Variants in TRIM24 observed in about 807,000 individuals in gnomAD.
TRIM24 encodes transcription intermediary factor 1-alpha.
In TRIM24, 29 loss-of-function variants were observed where a neutral mutation model predicts 123.9. The observed-to-expected ratio is 0.23, with a 90% CI of 0.17 to 0.32. The LOEUF (loss-of-function observed/expected upper bound fraction) is 0.32, where lower values mean the gene tolerates loss of function less well. Among genes scored for constraint, TRIM24 ranks in the 10% least tolerant of loss-of-function variants. TRIM24 has a pLI of 1.00. For missense variants in TRIM24, 932 were observed against 1,295.3 expected (o/e 0.72, Z 4.31); for synonymous variants, 456 against 461.1 (o/e 0.99, Z 0.14).
intron 7 of TRIM24, among the ~76,000 whole-genome samples, chr7:138,543,713 A>G (rs1797047282): frequency 6.6e-6 from 1 of 152,248 alleles, no homozygotes. Flanking sequence ...ATGAATATCC[A>G]TTATCCTACT....
At chr7:138,495,254 A>G (rs1795877676) in intron 1 of TRIM24, among the ~76,000 whole-genome samples, 1 of 152,216 alleles carries the variant, frequency 6.6e-6, no homozygotes, top group African/African-American at 2.4e-5. Flanking sequence ...TGTTGTACAT[A>G]TTCAAAAATA....
intron 1 of TRIM24, among the ~76,000 whole-genome samples, chr7:138,499,725 G>A (rs1450013471): frequency 2.0e-5 from 3 of 152,032 alleles, no homozygotes; most frequent in South Asian, 2.1e-4. Flanking sequence ...GGCAGGGCAG[G>A]GAACTGGCTT....
At chr7:138,569,347 G>GA (rs764470618) in intron 10 of TRIM24, among the ~76,000 whole-genome samples, 9 of 151,992 alleles carry the variant, frequency 5.9e-5, no homozygotes, top group South Asian at 2.1e-4. Flanking sequence ...AACAAGCCAG[G>GA]AAAAAATCTA....
intron 10 of TRIM24, 83 bp from the exon 11 acceptor site, chr7:138,570,747 T>C (rs1374050680): frequency 5.6e-6 from 8 of 1,441,052 alleles, no homozygotes; most frequent in Non-Finnish European, 7.6e-6. Context: ...ACTCTTCTAC[T>C]TCATTTTGTG....
chr7:138,537,797 G>A (rs1299610522), intron 6 of TRIM24, among the ~76,000 whole-genome samples: 1 of 152,198 alleles, frequency 6.6e-6, no homozygotes. Context: ...ATCTGGAACT[G>A]ACTAGGGCTA....
intron 1 of TRIM24, among the ~76,000 whole-genome samples, chr7:138,472,182 GAAA>G (rs1379655985): frequency 6.7e-6 from 1 of 150,240 alleles, no homozygotes; most frequent in African/African-American, 2.4e-5. Flanking sequence ...CTTAAGGGGA[GAAA>G]AAAAATAAAA....
chr7:138,567,668 T>C lies in TRIM24; in HGVS notation c.1704+14T>C, dbSNP rs756750841. The C allele has an allele frequency of 4.4e-5, 68 of 1,563,068 alleles. No individual in the cohort carries two copies. The highest frequency in any genetic ancestry group is 1.4e-5 in the Non-Finnish European group (16 of 1,156,308). On this transcript the variant is annotated intron_variant, in intron 10 of 18. Transcript: ENST00000343526. ...GCCATAAAACAGGTATATATCTACCTTCTTTTCTCAATTGCTTTTTCTGCT... is the reference window on the plus strand; with the variant it reads ...GCCATAAAACAGGTATATATCTACCCTCTTTTCTCAATTGCTTTTTCTGCT...
intron 1 of TRIM24, among the ~76,000 whole-genome samples, chr7:138,465,874 AGAATTG>A (rs1260286260): frequency 2.0e-4 from 30 of 152,256 alleles, no homozygotes; most frequent in African/African-American, 6.8e-4. Context: ...GAAATAACTT[AGAATTG>A]GAATTTCTTG....
chr7:138,493,981 A>G (rs553973767), intron 1 of TRIM24, among the ~76,000 whole-genome samples: 29 of 151,614 alleles, frequency 1.9e-4, no homozygotes, highest in Middle Eastern at 3.4e-3. Flanking sequence ...TGTTGTTGTT[A>G]TTATTATTAT....
At chr7:138,479,107 A>G (rs563395647) in intron 1 of TRIM24, among the ~76,000 whole-genome samples, 1 of 152,210 alleles carries the variant, frequency 6.6e-6, no homozygotes, top group South Asian at 2.1e-4. Flanking sequence ...GCTGCTTCCT[A>G]ATTGTCCTTC....
chr7:138,529,060 A>G (rs1251180376), intron 5 of TRIM24, 56 bp from the exon 6 acceptor site: 2 of 1,104,764 alleles, frequency 1.8e-6, no homozygotes, highest in African/African-American at 1.6e-5. Flanking sequence ...TAAAACGTCA[A>G]TTTTAAATAT....
Position 138,588,399 on chromosome 7 carries a change from C to CAA in TRIM24, c.*3449_*3450insAA, listed in dbSNP as rs1798052964. 6.6e-6 allele frequency: 1 copy of CAA among 152,200 alleles called. No individual in the cohort carries two copies. Among genetic ancestry groups the CAA allele is most frequent in the Non-Finnish European group, 1.5e-5 (1 of 68,048 alleles). 9.4% of individuals were successfully genotyped at this position (152,200 alleles called of 1,614,324 possible). Reference sequence around the variant, plus strand: ...AGAGAAATTGAGTGATCTGATTGGCCATTAAAATTATGGTGAATGGGTCGG... The same window carrying CAA: ...AGAGAAATTGAGTGATCTGATTGGCCAAATTAAAATTATGGTGAATGGGTCGG... On this transcript the variant is annotated 3_prime_UTR_variant, in exon 19 of 19. Transcript: ENST00000343526.
chr7:138,519,948 T>G (rs1796472860), intron 4 of TRIM24, among the ~76,000 whole-genome samples: 1 of 152,110 alleles, frequency 6.6e-6, no homozygotes. Context: ...TATAATTGCT[T>G]ATGATGGTCT....
rs1484249715 is a variant in TRIM24 at position 138,584,775 on chromosome 7, C to T, written c.2977C>T (p.Leu993Phe). The T allele has an allele frequency of 1.2e-6, 2 of 1,611,646 alleles. No individual in the cohort carries two copies. Among genetic ancestry groups the T allele is most frequent in the Admixed American group, 1.7e-5 (1 of 59,608 alleles). The part of the protein sequence containing the change: ...DSEVANAGIK[L>F]ENYFEELLKN... ...AGAAGTAGCCAATGCTGGTATAAAA[C>T]TTGAAAATTATTTTGAAGAACTTCT... The change falls in exon 19 of 19, where the codon CTT (leucine) becomes TTT (phenylalanine). Residue 993 changes from leucine (L) to phenylalanine (F), a missense_variant. Around this residue, in one of 7 missense-constraint regions of TRIM24, gnomAD observed 104 missense variants for 121.5 expected, o/e 0.86. Coordinates refer to ENST00000343526, the MANE Select transcript of TRIM24 (RefSeq NM_015905.3).
chr7:138,502,973 G>A (rs1173164398), intron 1 of TRIM24, among the ~76,000 whole-genome samples: 1 of 151,520 alleles, frequency 6.6e-6, no homozygotes, highest in Non-Finnish European at 1.5e-5. Context: ...ACATTTTCTT[G>A]TGAAAGTTTT....
At chr7:138,577,812 TATTC>T (rs1046026875) in intron 14 of TRIM24, among the ~76,000 whole-genome samples, 3 of 152,278 alleles carry the variant, frequency 2.0e-5, no homozygotes, top group African/African-American at 7.2e-5. Flanking sequence ...TAAAAGGAGA[TATTC>T]TTTCTTTAAT....
At chr7:138,552,053 G>A (rs373341170) in intron 8 of TRIM24, among the ~76,000 whole-genome samples, 8 of 150,712 alleles carry the variant, frequency 5.3e-5, no homozygotes, top group African/African-American at 1.2e-4. Context: ...TTTATCTTTC[G>A]TATGTTTAGA....
chr7:138,575,025 C>T (rs1797727094), intron 12 of TRIM24, among the ~76,000 whole-genome samples: 1 of 152,100 alleles, frequency 6.6e-6, no homozygotes. Context: ...AGAATGTGCT[C>T]ACTTGTAAAC....
chr7:138,579,015 C>T (rs1005078072), intron 14 of TRIM24, among the ~76,000 whole-genome samples, 189 bp from the exon 15 acceptor site: 1 of 132,804 alleles, frequency 7.5e-6, no homozygotes, highest in African/African-American at 3.0e-5. Context: ...GATTTTTTCT[C>T]TATTTATTTT....
Sources: allele counts gnomAD v4.1 joint callset (sites outside exome capture counted in the v4.1 genomes callset), GRCh38; gene constraint gnomAD v4.1.1; regional missense constraint gnomAD v4.1.1; transcripts MANE v1.5; gene names NCBI Gene and HGNC (gene_info 2026-07-23, HGNC 2026-07-21).